Variants in SLC12A7 observed in about 807,000 individuals in gnomAD.
SLC12A7 encodes K-Cl cotransporter 4.
A neutral mutation model predicts 120.6 loss-of-function variants in SLC12A7; 100 were observed. The ratio of observed to expected loss-of-function variants is 0.83; its 90% CI spans 0.71 to 0.98. The LOEUF (loss-of-function observed/expected upper bound fraction) is 0.98, where lower values mean the gene tolerates loss of function less well. Among genes scored for constraint, SLC12A7 ranks in the 50% least tolerant of loss-of-function variants. The pLI, the probability that SLC12A7 is intolerant of heterozygous loss-of-function variation, is 0.00. For missense variants in SLC12A7, 1,373 were observed against 1,548.1 expected (o/e 0.89, Z 1.90); for synonymous variants, 760 against 678.0 (o/e 1.12, Z -1.88).
the SLC12A7 span, among the ~76,000 whole-genome samples, chr5:1,142,389 CTCCCT>C: frequency 1.1e-5 from 1 of 90,630 alleles, no homozygotes; most frequent in African/African-American, 5.0e-5. Flanking sequence ...TGTCTCCCCT[CTCCCT>C]TCTCCCCTTT....
chr5:1,080,500 C>T (rs1389355906), intron 9 of SLC12A7, among the ~76,000 whole-genome samples: 3 of 152,224 alleles, frequency 2.0e-5, no homozygotes, highest in Admixed American at 6.5e-5. Context: ...TGACCCTGGG[C>T]TCCAGGGCTT....
chr5:1,154,390 C>CAT, the SLC12A7 span, among the ~76,000 whole-genome samples: 1 of 151,160 alleles, frequency 6.6e-6, no homozygotes, highest in African/African-American at 2.4e-5. Context: ...CACACACACA[C>CAT]AGAGACACAT....
chr5:1,150,836 A>C, the SLC12A7 span, among the ~76,000 whole-genome samples: 2 of 152,364 alleles, frequency 1.3e-5, no homozygotes, highest in East Asian at 3.9e-4. Context: ...CACCAGAACC[A>C]GTGGCCTCCG....
At chr5:1,152,607 G>GGGAGACCCCCAAGCTAGAGAAC in the SLC12A7 span, among the ~76,000 whole-genome samples, 1 of 149,844 alleles carries the variant, frequency 6.7e-6, no homozygotes, top group Non-Finnish European at 1.5e-5. Context: ...AGCTAGAGAA[G>GGGAGACCCCCAAGCTAGAGAAC]GGAGACCCCC....
intron 9 of SLC12A7, among the ~76,000 whole-genome samples, chr5:1,081,309 A>G (rs1446212551): frequency 2.6e-5 from 4 of 152,160 alleles, no homozygotes; most frequent in African/African-American, 9.7e-5. Flanking sequence ...AAATACAGAC[A>G]TTAACCGGGC....
intron 4 of SLC12A7, 103 bp downstream of exon 4, chr5:1,088,879 A>T: frequency 6.7e-7 from 1 of 1,483,156 alleles, no homozygotes; most frequent in Non-Finnish European, 9.2e-7. Context: ...CACCGCCCGA[A>T]GGCACAACCA....
intron 17 of SLC12A7, among the ~76,000 whole-genome samples, chr5:1,068,263 C>A (rs1312333527): frequency 6.6e-6 from 1 of 152,096 alleles, no homozygotes; most frequent in African/African-American, 2.4e-5. Flanking sequence ...GGCGAAACCC[C>A]GTCTCTACTA....
rs112718129 is a variant in SLC12A7 at position 1,059,319 on chromosome 5, G to A, written c.2847+1025C>T. 4.2e-3 allele frequency among the ~76,000 whole-genome samples: 645 copies of A among 152,338 alleles called. 3 individuals carry two copies. The highest frequency in any genetic ancestry group is 0.014 in the African/African-American group (588 of 41,574). On this transcript the variant is annotated intron_variant, in intron 21 of 23. Coordinates refer to ENST00000264930, the MANE Select transcript of SLC12A7 (RefSeq NM_006598.3). ...GGGGGAGAGCAGCAGTCGCTGCTTA[G>A]TGATTCCGGCTGTCAGCACATATGG...
At chr5:1,074,478 CCT>C (rs902690318) in intron 16 of SLC12A7, 87 bp downstream of exon 16, 21 of 1,226,184 alleles carry the variant, frequency 1.7e-5, no homozygotes, top group African/African-American at 1.3e-4. Context: ...GTGAGAGGCC[CCT>C]GAGACTCAAA....
At chr5:1,148,474 G>C in the SLC12A7 span, among the ~76,000 whole-genome samples, 12 of 152,212 alleles carry the variant, frequency 7.9e-5, no homozygotes, top group Admixed American at 7.8e-4. Flanking sequence ...CAGAGTGCTG[G>C]TATTACAGGC....
rs950873673 is a variant in SLC12A7 at position 1,079,060 on chromosome 5, C to T, written c.1397-302G>A. Among the ~76,000 whole-genome samples the T allele has an allele frequency of 2.0e-5, 3 of 152,298 alleles. No homozygotes were observed. In the East Asian group the frequency reaches 5.8e-4, roughly 29 times the overall value. On this transcript the variant is annotated intron_variant, in intron 10 of 23. Transcript: ENST00000264930. The stretch of plus-strand genomic sequence containing the variant: ...AGGGGACCATGCTGAGGGGACAATG[C>T]TCGGCTGGAAAGAGGCAGCCTTGGG...
At chr5:1,064,672 C>T (rs1349775489) in intron 18 of SLC12A7, among the ~76,000 whole-genome samples, 5 of 148,030 alleles carry the variant, frequency 3.4e-5, no homozygotes, top group South Asian at 4.4e-4. Context: ...GAAGGGATAG[C>T]GAGGAGACGG....
the SLC12A7 span, among the ~76,000 whole-genome samples, chr5:1,124,802 A>T: frequency 6.6e-6 from 1 of 152,248 alleles, no homozygotes; most frequent in Admixed American, 6.5e-5. Flanking sequence ...TAATAAAAAA[A>T]GTGTTTAATC....
intron 9 of SLC12A7, among the ~76,000 whole-genome samples, chr5:1,081,034 A>G (rs907652860): frequency 1.3e-5 from 2 of 149,436 alleles, no homozygotes; most frequent in Non-Finnish European, 3.0e-5. Context: ...AGAGAGAGAG[A>G]GGGAGGGAGG....
the SLC12A7 span, among the ~76,000 whole-genome samples, chr5:1,130,624 G>GCGGCT: frequency 3.0e-5 from 3 of 99,768 alleles, no homozygotes; most frequent in Admixed American, 9.9e-5. Context: ...CCAGGGTGGG[G>GCGGCT]GCAGCAGGGA....
intron 1 of SLC12A7, among the ~76,000 whole-genome samples, chr5:1,099,322 C>T (rs980991368): frequency 2.0e-5 from 3 of 152,116 alleles, no homozygotes; most frequent in African/African-American, 4.8e-5. Context: ...GAACCCAACC[C>T]GGTCCACCTC....
At position 1,073,722 on chromosome 5, in the gene SLC12A7, G is replaced by A. The variant is rs905534092; in HGVS notation, c.2152C>T (p.Leu718=). Residue 718 remains leucine (L), a synonymous_variant, in exon 17 of 24, where the codon CTG becomes TTG. Coordinates refer to ENST00000264930, the MANE Select transcript of SLC12A7 (RefSeq NM_006598.3). ...ATGGTCAGGCCCTTGCCGGCCTTCA[G>A]CTGCGACGTGAAGGACAGCAGGCGG... The part of the protein sequence containing the change: ...HPRLLSFTSQ[L]KAGKGLTIVG... 5.7e-6 allele frequency: 9 copies of A among 1,578,948 alleles called. No homozygotes were observed. In the Admixed American group the frequency reaches 6.9e-5, roughly 12 times the overall value.
At position 1,090,457 on chromosome 5, in the gene SLC12A7, C is replaced by T. The variant is rs149435304; in HGVS notation, c.343-1329G>A. On this transcript the variant is annotated intron_variant, in intron 3 of 23. Coordinates refer to ENST00000264930, the MANE Select transcript of SLC12A7 (RefSeq NM_006598.3). ...AGGAGAGGGTGACGGGGCTGGGGGC[C>T]GCTGCTGGGCCCTCCAAATCTGGGT... Among the ~76,000 whole-genome samples the T allele has an allele frequency of 9.1e-3, 1,389 of 152,226 alleles. 12 individuals are homozygous for T. Among genetic ancestry groups the T allele is most frequent in the Middle Eastern group, 0.024 (7 of 294 alleles).
chr5:1,073,516 A>G (rs1579354991), intron 17 of SLC12A7, 117 bp downstream of exon 17: 1 of 1,176,288 alleles, frequency 8.5e-7, no homozygotes, highest in East Asian at 2.7e-5. Flanking sequence ...CGGCTAAAAC[A>G]CAGCAGCGCC....
Sources: gnomAD v4.1 joint callset for allele counts (sites outside exome capture counted in the v4.1 genomes callset) on GRCh38, gnomAD v4.1.1 for gene constraint, MANE v1.5 for transcripts, NCBI Gene and HGNC (gene_info 2026-07-23, HGNC 2026-07-21) for gene names.